Variants in NBPF26 observed in about 807,000 individuals in gnomAD.
NBPF26 encodes NBPF member 26.
Under a neutral mutation model 119.6 loss-of-function variants are expected in NBPF26, and 79 were observed. The ratio of observed to expected loss-of-function variants is 0.66; its 90% confidence interval spans 0.55 to 0.80. The LOEUF is 0.80. Among genes scored for constraint, NBPF26 ranks in the 30% least tolerant of loss-of-function variants. NBPF26 has a pLI of 0.00. For missense variants in NBPF26, 800 were observed against 1,198.2 expected (o/e 0.67, Z 4.91); for synonymous variants, 299 against 457.7 (o/e 0.65, Z 4.43).
exon 1 of NBPF26, chr1:120,724,140 C>G: frequency 7.3e-7 from 1 of 1,364,062 alleles, no homozygotes; most frequent in South Asian, 1.4e-5. Flanking sequence ...GCGGCGGCGG[C>G]GGCGGCGGCG....
chr1:120,840,383 T>G (rs78203364), exon 30 of NBPF26: 25,947 of 1,451,818 alleles, frequency 0.018, 6,002 homozygotes, highest in African/African-American at 0.13. Flanking sequence ...TGGAAGAGCC[T>G]GAAGTCTTGC....
chr1:120,750,990 A>G, intron 1 of NBPF26, among the ~76,000 whole-genome samples: 1 of 91,908 alleles, frequency 1.1e-5, no homozygotes, highest in East Asian at 2.6e-4. Context: ...CACCAGCACT[A>G]CACTAATAAC....
At chr1:120,823,567 G>C (rs1652175366) in intron 17 of NBPF26, among the ~76,000 whole-genome samples, 2 of 115,882 alleles carry the variant, frequency 1.7e-5, no homozygotes, top group East Asian at 2.1e-4. Flanking sequence ...CCTAGTGAAA[G>C]TTGACCATAC....
chr1:120,838,556 C>A (rs1652451845), intron 27 of NBPF26, among the ~76,000 whole-genome samples, 189 bp from the exon 34 acceptor site: 5 of 77,268 alleles, frequency 6.5e-5, no homozygotes, highest in Admixed American at 6.2e-4. Flanking sequence ...GTCTATCTGT[C>A]TTTCTCTTTC....
At chr1:120,840,643 G>T, downstream of NBPF26, 4 of 1,448,366 alleles carry the variant, frequency 2.8e-6, 1 homozygote, top group African/African-American at 4.9e-5. Context: ...AGGACCTATA[G>T]GCACGTGAAG....
chr1:120,812,883 A>T lies in NBPF26; in HGVS notation c.1774+788A>T, dbSNP rs1651902735. On this transcript the variant is annotated intron_variant, in intron 10 of 29. Coordinates refer to ENST00000620612, the Ensembl canonical transcript of NBPF26. The stretch of plus-strand genomic sequence containing the variant: ...GGTTGCAGTGAGCCAAGATTTTGCC[A>T]TTGCACTCCAGCCTGGGCGACAGGG... Among the ~76,000 whole-genome samples, 2 of 112,404 alleles carry T rather than the reference A, an allele frequency of 1.8e-5. 1 individual carries two copies. Among genetic ancestry groups the T allele is most frequent in the Admixed American group, 1.7e-4 (2 of 11,608 alleles). 73.7% of individuals were successfully genotyped at this position (112,404 alleles called of 152,430 possible). A position where few individuals can be genotyped will look rare whatever the true frequency, so the allele number is the denominator to read the frequency against.
chr1:120,790,170 C>T lies in NBPF26; in HGVS notation c.416-2991C>T, dbSNP rs1162144176. 3.9e-5 allele frequency among the ~76,000 whole-genome samples: 4 copies of T among 102,402 alleles called. 1 individual carries two copies. Among genetic ancestry groups the T allele is most frequent in the African/African-American group, 1.9e-4 (3 of 15,428 alleles). The allele number at this position is 102,402 out of a possible 152,430, so 67.2% of individuals were successfully genotyped here. On this transcript the variant is annotated intron_variant, in intron 3 of 29. Coordinates refer to ENST00000620612, the Ensembl canonical transcript of NBPF26. ...AGCTGGGACTACAGGCACCTACCGC[C>T]ATGCCCGGCTAATTTTTGTATTTTT... is the stretch of plus-strand genomic sequence containing the variant.
chr1:120,807,010 C>T (rs1322340999), intron 5 of NBPF26, among the ~76,000 whole-genome samples: 1 of 129,638 alleles, frequency 7.7e-6, no homozygotes, highest in African/African-American at 3.5e-5. Flanking sequence ...CACAACTAAT[C>T]TAAATCTTAA....
At chr1:120,806,921 C>T (rs1366028624) in intron 5 of NBPF26, among the ~76,000 whole-genome samples, 3 of 126,354 alleles carry the variant, frequency 2.4e-5, no homozygotes, top group Non-Finnish European at 4.9e-5. Context: ...CATTAATTGG[C>T]ACAGTGTAAA....
chr1:120,811,790 T>C, intron 9 of NBPF26, 96 bp from the exon 10 acceptor site: 1 of 671,472 alleles, frequency 1.5e-6, no homozygotes, highest in Non-Finnish European at 2.6e-6. Flanking sequence ...TTCAAATAAG[T>C]AAACAAGGCT....
chr1:120,810,590 CTG>C (rs1651837702), intron 9 of NBPF26, 32 bp downstream of exon 9: 1 of 1,373,428 alleles, frequency 7.3e-7, no homozygotes, highest in Admixed American at 1.9e-5. Context: ...TCTCATACCT[CTG>C]TCTAGGCTAT....
At chr1:120,752,563 T>A (rs1651034202) in intron 1 of NBPF26, among the ~76,000 whole-genome samples, 3 of 28,306 alleles carry the variant, frequency 1.1e-4, no homozygotes, top group African/African-American at 6.6e-4. Context: ...TATTTTTTTT[T>A]TTTTTTTTTT....
rs1651656533 is a variant in NBPF26, at chr1:120,805,404, T to C, written c.752-152T>C. On this transcript the variant is annotated intron_variant, in intron 4 of 29. Transcript: ENST00000620612. ...TGAGGCACCTCGAACCTTGTTTTTGTGGTGAAGGATCCTAAAGTGCTGTGG... is the reference window on the plus strand; with the variant it reads ...TGAGGCACCTCGAACCTTGTTTTTGCGGTGAAGGATCCTAAAGTGCTGTGG... 6.5e-6 allele frequency: 8 copies of C among 1,221,636 alleles called. 1 individual carries two copies. Among genetic ancestry groups the C allele is most frequent in the Admixed American group, 4.8e-5 (2 of 41,546 alleles). 75.7% of individuals were successfully genotyped at this position (1,221,636 alleles called of 1,614,324 possible).
rs1473808496 is a variant in NBPF26 at position 120,832,709 on chromosome 1, G to C, written c.3263-166G>C. Among the ~76,000 whole-genome samples the C allele has an allele frequency of 1.1e-4, 13 of 120,052 alleles. No homozygotes were observed. The East Asian group carries it at 2.5e-3, about 23-fold the overall frequency. 78.8% of individuals were successfully genotyped at this position (120,052 alleles called of 152,430 possible). ...CACAGTTTCTGGGAGAAAAACCGAG[G>C]AATTTCTATCATGACCAGCCTTCAG... On this transcript the variant is annotated intron_variant, in intron 22 of 29. Coordinates refer to ENST00000620612, the Ensembl canonical transcript of NBPF26.
chr1:120,811,300 C>T (rs1416598074), intron 9 of NBPF26, among the ~76,000 whole-genome samples: 1 of 109,094 alleles, frequency 9.2e-6, no homozygotes, highest in South Asian at 2.6e-4. Context: ...AATCCCAACA[C>T]TTTGGGAGGC....
chr1:120,812,920 A>AT (rs1344841981), intron 10 of NBPF26, among the ~76,000 whole-genome samples: 8,923 of 47,866 alleles, frequency 0.19, 11 homozygotes, highest in East Asian at 0.32. Context: ...AAGACTGCTA[A>AT]AAATAATAAT....
intron 4 of NBPF26, among the ~76,000 whole-genome samples, chr1:120,801,915 A>G (rs1280281370): frequency 0.022 from 2,300 of 106,784 alleles, 735 homozygotes; most frequent in African/African-American, 0.13. Context: ...GAGGAAATGT[A>G]TTAGATGAAA....
At chr1:120,807,875 T>G (rs1651742734) in intron 6 of NBPF26, among the ~76,000 whole-genome samples, 166 bp downstream of exon 6, 1 of 120,452 alleles carries the variant, frequency 8.3e-6, no homozygotes. Context: ...AGGAGGATAG[T>G]AAAAATGTAT....
chr1:120,770,363 G>A (rs1195698716), intron 2 of NBPF26, among the ~76,000 whole-genome samples: 1 of 110,206 alleles, frequency 9.1e-6, no homozygotes, highest in Non-Finnish European at 1.7e-5. Flanking sequence ...TAGAGACGGG[G>A]TTTCACTGTG....
Sources: gnomAD v4.1 joint callset for allele counts (sites outside exome capture counted in the v4.1 genomes callset) on GRCh38, gnomAD v4.1.1 for gene constraint, MANE v1.5 for transcripts, NCBI Gene and HGNC (gene_info 2026-07-23, HGNC 2026-07-21) for gene names.